Variants in UBR1 observed in about 807,000 individuals in gnomAD.
UBR1 encodes the protein ubiquitin protein ligase E3 component n-recognin 1.
Under a neutral mutation model 242.1 loss-of-function variants are expected in UBR1, and 102 were observed. That is an observed-to-expected ratio of 0.42 (90% CI 0.36 to 0.50). The LOEUF (loss-of-function observed/expected upper bound fraction) is 0.50. UBR1 is among the 20% of genes least tolerant of loss of function. The probability of loss-of-function intolerance (pLI) is 0.01; values close to 1 mark genes in which losing one functional copy is unlikely to be tolerated. For synonymous variants in UBR1, 675 were observed against 684.8 expected, an observed-to-expected ratio of 0.99 and a Z score of 0.22; for missense variants, 1,772 against 2,101.8, an observed-to-expected ratio of 0.84 and a Z score of 3.07.
Position 43,002,570 on chromosome 15 carries a change from G to A in UBR1, c.3644C>T (p.Pro1215Leu), listed in dbSNP as rs1284454148. ...NTVIPIIPLQ[P>L]QKINSENADA... ...TAAAATATACCTGTTTATCTTTTGA[G>A]GTTGCAAAGGAATAATGGGGATCAC... Residue 1215 changes from proline (P) to leucine (L), a missense_variant, in exon 32 of 47, where the codon CCT becomes CTT. Physicochemically the swap from Pro to Leu is moderately conservative, Grantham distance 98 (BLOSUM62 -3). Transcript: ENST00000290650. 1.9e-6 allele frequency: 3 copies of A among 1,614,020 alleles called. No individual in the cohort carries two copies. The highest frequency in any genetic ancestry group is 2.5e-6 in the Non-Finnish European group (3 of 1,180,014).
At chr15:42,974,017 T>G (rs569833656) in intron 39 of UBR1, among the ~76,000 whole-genome samples, 1 of 151,426 alleles carries the variant, frequency 6.6e-6, no homozygotes, top group South Asian at 2.1e-4. Context: ...GCCTCCCAAG[T>G]AGCTGGGACT....
Position 43,086,182 on chromosome 15 carries a change from A to C in UBR1, c.140T>G (p.Val47Gly). 6.2e-7 allele frequency: 1 copy of C among 1,614,106 alleles called. No homozygotes were observed. The highest frequency in any genetic ancestry group is 8.5e-7 in the Non-Finnish European group (1 of 1,180,006). Residue 47 changes from valine (V) to glycine (G), a missense_variant, in exon 2 of 47, where the codon GTG (valine) becomes GGG (glycine). By Grantham distance (109) the Val-to-Gly change is moderately radical. Coordinates refer to ENST00000290650, the MANE Select transcript of UBR1 (RefSeq NM_174916.3). ...TAFLHHLAQL[V>G]PEIYFAEMDP... is the part of the protein sequence containing the mutation. ...CATTTCAGCAAAGTAAATTTCTGGC[A>C]CCAATTGTGCCAAATGATGCAAGAA...
intron 1 of UBR1, among the ~76,000 whole-genome samples, chr15:43,100,877 CT>C (rs2034225850): frequency 6.6e-6 from 1 of 152,220 alleles, no homozygotes; most frequent in Non-Finnish European, 1.5e-5. Flanking sequence ...TGATCCTTCC[CT>C]TCATGGAACT....
At chr15:43,047,548 T>C (rs2033501108) in intron 13 of UBR1, among the ~76,000 whole-genome samples, 1 of 152,168 alleles carries the variant, frequency 6.6e-6, no homozygotes, top group African/African-American at 2.4e-5. Flanking sequence ...AATGGATCCT[T>C]TGAGATTTTT....
chr15:42,948,477 C>T (rs1456979514), intron 46 of UBR1, among the ~76,000 whole-genome samples: 1 of 152,088 alleles, frequency 6.6e-6, no homozygotes, highest in Non-Finnish European at 1.5e-5. Flanking sequence ...AAGAAACTAC[C>T]ATCAGAGTGA....
intron 46 of UBR1, among the ~76,000 whole-genome samples, chr15:42,948,537 C>G (rs1463884405): frequency 1.3e-5 from 2 of 152,010 alleles, no homozygotes; most frequent in African/African-American, 4.8e-5. Flanking sequence ...ACTCATCTGA[C>G]AAAGAGCTAA....
chr15:42,956,471 C>T (rs917079514), intron 44 of UBR1, among the ~76,000 whole-genome samples: 1 of 152,090 alleles, frequency 6.6e-6, no homozygotes, highest in Non-Finnish European at 1.5e-5. Flanking sequence ...AGGTGCGCAC[C>T]ACCACACCTG....
Position 43,101,015 on chromosome 15 carries a change from C to T in UBR1, c.81+4927G>A, listed in dbSNP as rs138481369. ...TGCTTTGACAGAGAATAAGAGGAACCCATCTTTTAGACAGAGTGTGTATTA... is the reference window on the plus strand; with the variant it reads ...TGCTTTGACAGAGAATAAGAGGAACTCATCTTTTAGACAGAGTGTGTATTA... On this transcript the variant is annotated intron_variant, in intron 1 of 46. Transcript: ENST00000290650. Among the ~76,000 whole-genome samples, 689 of 152,272 alleles carry T rather than the reference C, an allele frequency of 4.5e-3. 4 individuals are homozygous for T. The highest frequency in any genetic ancestry group is 5.8e-3 in the Non-Finnish European group (397 of 68,026).
intron 44 of UBR1, among the ~76,000 whole-genome samples, chr15:42,956,681 G>A (rs114566616): frequency 6.6e-6 from 1 of 152,200 alleles, no homozygotes; most frequent in Non-Finnish European, 1.5e-5. Flanking sequence ...GCATCCAGGG[G>A]AATGCTTAAT....
chr15:43,073,955 G>A (rs532514333), intron 4 of UBR1, among the ~76,000 whole-genome samples: 45 of 152,264 alleles, frequency 3.0e-4, no homozygotes, highest in Admixed American at 3.9e-4. Context: ...TTTAAAGAGC[G>A]CAAAAACTAT....
chr15:43,011,158 G>A (rs1405256067), intron 29 of UBR1, among the ~76,000 whole-genome samples: 2 of 151,118 alleles, frequency 1.3e-5, no homozygotes, highest in East Asian at 1.9e-4. Flanking sequence ...TTCTAGCCTG[G>A]GCAACATAGT....
intron 39 of UBR1, among the ~76,000 whole-genome samples, chr15:42,974,323 T>C (rs1452762129): frequency 1.3e-5 from 2 of 152,250 alleles, no homozygotes; most frequent in Non-Finnish European, 2.9e-5. Context: ...TCCAACACCA[T>C]TTGTTGAAAA....
intron 29 of UBR1, among the ~76,000 whole-genome samples, chr15:43,015,146 C>T (rs1010239276): frequency 7.9e-5 from 12 of 152,224 alleles, no homozygotes; most frequent in African/African-American, 2.7e-4. Flanking sequence ...GAGGTGTACC[C>T]AACAGCTCAT....
At chr15:43,032,278 T>A (rs188637599) in intron 20 of UBR1, among the ~76,000 whole-genome samples, 82 of 152,308 alleles carry the variant, frequency 5.4e-4, no homozygotes, top group Non-Finnish European at 2.9e-5. Context: ...CAAAGCTAAG[T>A]ATGACCAATA....
At position 42,970,573 on chromosome 15, in the gene UBR1, T is replaced by C; in HGVS notation, c.4404A>G (p.Glu1468=). The part of the protein sequence containing the change: ...LPLAQVQEDS[E]EAHSASSFFA... ...AGAAAGAAGATGCGGAATGAGCCTCTTCACTGTCTTCTTGAACCTGAGCAA... is the reference window on the plus strand; with the variant it reads ...AGAAAGAAGATGCGGAATGAGCCTCCTCACTGTCTTCTTGAACCTGAGCAA... The change falls in exon 40 of 47, where the codon GAA becomes GAG. Residue 1468 remains glutamate (E), a synonymous_variant. Transcript: ENST00000290650. The C allele has an allele frequency of 6.2e-7, 1 of 1,613,860 alleles. No individual in the cohort carries two copies. Among genetic ancestry groups the C allele is most frequent in the Non-Finnish European group, 8.5e-7 (1 of 1,180,008 alleles).
chr15:43,074,323 G>A (rs182088749), intron 4 of UBR1, among the ~76,000 whole-genome samples: 2 of 152,140 alleles, frequency 1.3e-5, no homozygotes, highest in Non-Finnish European at 2.9e-5. Context: ...TTTTCTTTAA[G>A]AAAAGCAATT....
At chr15:42,964,276 C>A (rs2032070595) in intron 41 of UBR1, among the ~76,000 whole-genome samples, 1 of 152,018 alleles carries the variant, frequency 6.6e-6, no homozygotes, top group Non-Finnish European at 1.5e-5. Flanking sequence ...TCAAGACCAG[C>A]CTGACCAACA....
intron 35 of UBR1, 26 bp downstream of exon 35, chr15:42,988,793 C>T: frequency 6.2e-7 from 1 of 1,614,052 alleles, no homozygotes; most frequent in Non-Finnish European, 8.5e-7. Context: ...CTGAAACCTC[C>T]AAACCAGTTT....
intron 13 of UBR1, among the ~76,000 whole-genome samples, chr15:43,047,953 G>A (rs140466064): frequency 3.3e-4 from 50 of 152,252 alleles, no homozygotes; most frequent in African/African-American, 1.2e-3. Context: ...GCTCACACCT[G>A]TAATCCCAGC....
Sources: allele counts gnomAD v4.1 joint callset (sites outside exome capture counted in the v4.1 genomes callset), GRCh38; gene constraint gnomAD v4.1.1; transcripts MANE v1.5; gene names NCBI Gene and HGNC (gene_info 2026-07-23, HGNC 2026-07-21).